Variants in ENTREP2 observed in about 807,000 individuals in gnomAD.
ENTREP2 encodes protein ENTREP2.
chr15:29,460,557 G>A, the ENTREP2 span, among the ~76,000 whole-genome samples: 1,385 of 152,228 alleles, frequency 9.1e-3, 11 homozygotes, highest in Non-Finnish European at 0.015. Flanking sequence ...ACTTGAGCCC[G>A]GAGGCGGAGG....
the ENTREP2 span, chr15:29,269,154 C>A: frequency 6.2e-7 from 1 of 1,614,108 alleles, no homozygotes; most frequent in Non-Finnish European, 8.5e-7. Flanking sequence ...TAAAGATGAG[C>A]CCTAAGACGA....
At chr15:29,527,651 C>CT in the ENTREP2 span, among the ~76,000 whole-genome samples, 2 of 152,148 alleles carry the variant, frequency 1.3e-5, no homozygotes, top group African/African-American at 4.8e-5. Context: ...AAGGCATCCA[C>CT]TGCAGACCCT....
chr15:29,415,928 C>T, the ENTREP2 span, among the ~76,000 whole-genome samples: 1 of 152,128 alleles, frequency 6.6e-6, no homozygotes, highest in Non-Finnish European at 1.5e-5. Context: ...ACCTAGAAAT[C>T]CAACTTACAA....
the ENTREP2 span, among the ~76,000 whole-genome samples, chr15:29,360,418 C>T: frequency 3.3e-5 from 5 of 152,150 alleles, no homozygotes; most frequent in African/African-American, 1.2e-4. Flanking sequence ...GCAGGAATTT[C>T]TAAGGTAGAC....
At chr15:29,558,503 C>G in the ENTREP2 span, among the ~76,000 whole-genome samples, 4 of 151,546 alleles carry the variant, frequency 2.6e-5, no homozygotes, top group South Asian at 6.3e-4. Context: ...CACCCATCTT[C>G]TGCACACATC....
At chr15:29,139,727 A>G in the ENTREP2 span, among the ~76,000 whole-genome samples, 3 of 152,258 alleles carry the variant, frequency 2.0e-5, no homozygotes, top group East Asian at 5.8e-4. Flanking sequence ...TTTCGGGGAC[A>G]TGTTGGCCCC....
chr15:29,571,350 G>A, the ENTREP2 span, among the ~76,000 whole-genome samples: 1 of 152,208 alleles, frequency 6.6e-6, no homozygotes, highest in Admixed American at 6.5e-5. Flanking sequence ...AGAGCCTGGG[G>A]ACGGCTCGGG....
the ENTREP2 span, among the ~76,000 whole-genome samples, chr15:29,445,710 T>G: frequency 6.6e-5 from 10 of 152,162 alleles, no homozygotes; most frequent in South Asian, 8.3e-4. Flanking sequence ...CAAGAATGTT[T>G]CCCTGAGTTC....
At chr15:29,253,286 G>A in the ENTREP2 span, among the ~76,000 whole-genome samples, 1 of 152,102 alleles carries the variant, frequency 6.6e-6, no homozygotes, top group Non-Finnish European at 1.5e-5. Flanking sequence ...ATTTACTGAA[G>A]AAACCAGTTC....
the ENTREP2 span, among the ~76,000 whole-genome samples, chr15:29,612,368 G>A: frequency 9.9e-5 from 15 of 152,226 alleles, no homozygotes; most frequent in South Asian, 2.1e-4. Flanking sequence ...AGATGACGGC[G>A]TGAGTTTGGT....
chr15:29,582,610 G>A, the ENTREP2 span, among the ~76,000 whole-genome samples: 1 of 151,978 alleles, frequency 6.6e-6, no homozygotes, highest in African/African-American at 2.4e-5. Context: ...ATTAAGAACT[G>A]TCTCTCAAGA....
At chr15:29,615,190 C>A in the ENTREP2 span, among the ~76,000 whole-genome samples, 1 of 151,316 alleles carries the variant, frequency 6.6e-6, no homozygotes, top group Non-Finnish European at 1.5e-5. Flanking sequence ...GAGTCTCCCT[C>A]CATTGCCCAG....
At chr15:29,197,909 C>G in the ENTREP2 span, among the ~76,000 whole-genome samples, 2 of 152,174 alleles carry the variant, frequency 1.3e-5, no homozygotes, top group Non-Finnish European at 2.9e-5. Context: ...AGTACAAATA[C>G]TTTTCAGACA....
At chr15:29,148,177 G>T in the ENTREP2 span, among the ~76,000 whole-genome samples, 5 of 152,168 alleles carry the variant, frequency 3.3e-5, no homozygotes, top group Admixed American at 6.5e-5. Context: ...AGGCTATAGG[G>T]TCTCTCTTGG....
the ENTREP2 span, among the ~76,000 whole-genome samples, chr15:29,257,078 ATTTAT>A: frequency 5.4e-5 from 8 of 147,438 alleles, no homozygotes; most frequent in African/African-American, 2.1e-4. Context: ...TTATTTATTT[ATTTAT>A]TTATCTTGAG....
chr15:29,327,166 T>C, the ENTREP2 span, among the ~76,000 whole-genome samples: 1 of 152,162 alleles, frequency 6.6e-6, no homozygotes, highest in Non-Finnish European at 1.5e-5. Flanking sequence ...AAAGACACTG[T>C]TAAGAGAAGA....
At chr15:29,223,467 G>A in the ENTREP2 span, among the ~76,000 whole-genome samples, 3 of 152,180 alleles carry the variant, frequency 2.0e-5, no homozygotes, top group African/African-American at 7.2e-5. Context: ...CTGTGAGCCT[G>A]TTCCTTCGTA....
the ENTREP2 span, among the ~76,000 whole-genome samples, chr15:29,603,314 C>G: frequency 6.6e-6 from 1 of 152,302 alleles, no homozygotes; most frequent in Non-Finnish European, 1.5e-5. Context: ...GCAGCATCTG[C>G]AGGGAACTTG....
At chr15:29,502,900 C>T in the ENTREP2 span, among the ~76,000 whole-genome samples, 3 of 151,602 alleles carry the variant, frequency 2.0e-5, no homozygotes, top group Admixed American at 6.6e-5. Context: ...ACCACAATGA[C>T]ATACCAATTT....
Sources: gnomAD v4.1 joint callset for allele counts (sites outside exome capture counted in the v4.1 genomes callset) on GRCh38, gnomAD v4.1.1 for gene constraint, MANE v1.5 for transcripts, NCBI Gene and HGNC (gene_info 2026-07-23, HGNC 2026-07-21) for gene names.